Variants in USP5 observed in about 807,000 individuals in gnomAD.
The protein encoded by USP5 is ubiquitin carboxyl-terminal hydrolase 5.
In USP5, 24 loss-of-function variants were observed where a neutral mutation model predicts 102.5. That is an observed-to-expected ratio of 0.23 (90% CI 0.17 to 0.33). The LOEUF (loss-of-function observed/expected upper bound fraction) is 0.33, where lower values mean the gene tolerates loss of function less well. Ranked by LOEUF, USP5 falls within the 10% of genes least tolerant of loss-of-function variation. The pLI is 1.00. For synonymous variants in USP5, 460 were observed against 434.8 expected (o/e 1.06, Z -0.72); for missense variants, 753 against 1,122.1 (o/e 0.67, Z 4.70).
rs1318789785 is a variant in USP5, at chr12:6,856,135, C to T, written c.423C>T (p.Asp141=). The T allele has an allele frequency of 6.2e-7, 1 of 1,614,020 alleles. No individual in the cohort carries two copies. The highest frequency in any genetic ancestry group is 8.5e-7 in the Non-Finnish European group (1 of 1,180,030). ...GGGATGGACTGGGGGGACTGCCTGA[C>T]ATTGTCAGAGATCGGGTATGACTGC... is the stretch of plus-strand genomic sequence containing the variant. ...IARDGLGGLP[D]IVRDRVTSAV... Residue 141 remains aspartate (D), a synonymous_variant, in exon 4 of 20, where the codon GAC becomes GAT. Transcript: ENST00000229268. This position sits in a 1 kb window ranked among gnomAD's most constrained non-coding sequence, Gnocchi z 5.6.
rs1346885129 is a variant in USP5 at position 6,861,472 on chromosome 12, C to T, written c.1528C>T (p.Arg510Trp). 8.2e-6 allele frequency: 13 copies of T among 1,584,864 alleles called. No homozygotes were observed. The highest frequency in any genetic ancestry group is 1.7e-5 in the Admixed American group (1 of 57,856). The change falls in exon 13 of 20, where the codon CGG becomes TGG. Residue 510 changes from arginine to tryptophan, a missense_variant. Around this residue, in one of 3 missense-constraint regions of USP5, gnomAD observed 527 missense variants for 816.5 expected, o/e 0.65. Coordinates refer to ENST00000229268, the MANE Select transcript of USP5 (RefSeq NM_001098536.2). The surrounding 1 kb of genome is among the most constrained non-coding windows in gnomAD (Gnocchi z 4.9). ...GCTTCTGGAGTACGAGGAGAAGAAGCGGCAAGCCGAAGAGGAGAAGATGGC... is the reference window on the plus strand; with the variant it reads ...GCTTCTGGAGTACGAGGAGAAGAAGTGGCAAGCCGAAGAGGAGAAGATGGC... ...EELLEYEEKK[R>W]QAEEEKMALP...
chr12:6,861,692 C>T lies in USP5; in HGVS notation c.1673+75C>T. 7.3e-7 allele frequency: 1 copy of T among 1,372,874 alleles called. No homozygotes were observed. Among genetic ancestry groups the T allele is most frequent in the Non-Finnish European group, 9.5e-7 (1 of 1,055,192 alleles). The allele number at this position is 1,372,874 out of a possible 1,614,324, so 85.0% of individuals were successfully genotyped here. A position where few individuals can be genotyped will look rare whatever the true frequency, so the allele number is the denominator to read the frequency against. On this transcript the variant is annotated intron_variant, in intron 13 of 19. Transcript: ENST00000229268. The surrounding 1 kb of genome is among the most constrained non-coding windows in gnomAD (Gnocchi z 4.9). ...CCCAGAGGATACTTCTGTCTCTTCCCTGTTCTTTCATCCCTTTGTGGTTGG... is the reference window on the plus strand; with the variant it reads ...CCCAGAGGATACTTCTGTCTCTTCCTTGTTCTTTCATCCCTTTGTGGTTGG...
rs1944079470 is a variant in USP5, at chr12:6,855,468, G to A, written c.179G>A (p.Arg60Lys). The change falls in exon 2 of 20, where the codon AGA (arginine) becomes AAA (lysine). Residue 60 changes from arginine (R) to lysine (K), a missense_variant. Around this residue, in one of 3 missense-constraint regions of USP5, gnomAD observed 527 missense variants for 816.5 expected, o/e 0.65. Coordinates refer to ENST00000229268, the MANE Select transcript of USP5 (RefSeq NM_001098536.2). This position sits in a 1 kb window ranked among gnomAD's most constrained non-coding sequence, Gnocchi z 4.6. Reference protein sequence around the residue: ...FLGFGKQYVERHFNKTGQRVY... With the variant: ...FLGFGKQYVEKHFNKTGQRVY... ...GGCTTTGGGAAACAGTATGTGGAGA[G>A]ACATTTCAATAAGACCGGCCAGCGA... The A allele has an allele frequency of 6.2e-6, 10 of 1,614,208 alleles. No individual in the cohort carries two copies. The East Asian group carries it at 2.2e-4, about 36-fold the overall frequency.
chr12:6,859,360 C>A, intron 8 of USP5, 110 bp from the exon 9 acceptor site: 1 of 1,074,508 alleles, frequency 9.3e-7, no homozygotes, highest in Admixed American at 1.9e-5. Context: ...CACAGCAACT[C>A]CCCACTCTTG....
rs978159513 is a variant in USP5 at position 6,855,890 on chromosome 12, G to T, written c.304+69G>T. The stretch of plus-strand genomic sequence containing the variant: ...TCTGGCTCTCAGCAGCACCAGGAAA[G>T]CCCCAAAGAGTGGGCCTGATTGATG... On this transcript the variant is annotated intron_variant, in intron 3 of 19. Coordinates refer to ENST00000229268, the MANE Select transcript of USP5 (RefSeq NM_001098536.2). This position sits in a 1 kb window ranked among gnomAD's most constrained non-coding sequence, Gnocchi z 4.6. 6.2e-6 allele frequency: 10 copies of T among 1,611,068 alleles called. No individual in the cohort carries two copies. In the African/African-American group the frequency reaches 1.3e-4, roughly 22 times the overall value.
rs1944180358 is a variant in USP5 at position 6,858,371 on chromosome 12, A to G, written c.865-53A>G. On this transcript the variant is annotated intron_variant, in intron 7 of 19. Coordinates refer to ENST00000229268, the MANE Select transcript of USP5 (RefSeq NM_001098536.2). This position sits in a 1 kb window ranked among gnomAD's most constrained non-coding sequence, Gnocchi z 4.2. ...CTAGACTCAGTGAGAGATCGAGGTA[A>G]AAACTACAGGGTTGAGTTTCTCACT... is the stretch of plus-strand genomic sequence containing the variant. 12 of 1,568,866 alleles carry G rather than the reference A, an allele frequency of 7.6e-6. No individual in the cohort carries two copies. Among genetic ancestry groups the G allele is most frequent in the Non-Finnish European group, 8.7e-6 (10 of 1,144,884 alleles).
Position 6,864,576 on chromosome 12 carries a change from C to G in USP5, c.2245-146C>G, listed in dbSNP as rs782038051. On this transcript the variant is annotated intron_variant, in intron 17 of 19. Transcript: ENST00000229268. This position sits in a 1 kb window ranked among gnomAD's most constrained non-coding sequence, Gnocchi z 4.8. ...TGGTGGTGGGCGTCTGTAGTCCCAGCTACTTGGGAGGCTGAGGCAGGAGAA... is the reference window on the plus strand; with the variant it reads ...TGGTGGTGGGCGTCTGTAGTCCCAGGTACTTGGGAGGCTGAGGCAGGAGAA... The G allele has an allele frequency of 1.1e-6, 1 of 887,096 alleles. No individual in the cohort carries two copies. The highest frequency in any genetic ancestry group is 1.7e-5 in the South Asian group (1 of 59,274). The allele number at this position is 887,096 out of a possible 1,614,324, so 55.0% of individuals were successfully genotyped here. A position where few individuals can be genotyped will look rare whatever the true frequency, so the allele number is the denominator to read the frequency against.
chr12:6,852,162 G>C lies in USP5; in HGVS notation c.-18G>C. ...AACGGTGGGAGCCGCCGTGTGTGGA[G>C]AAGCTGCTGCCGGTGTCATGGCGGA... On this transcript the variant is annotated 5_prime_UTR_variant, in exon 1 of 20. Coordinates refer to ENST00000229268, the MANE Select transcript of USP5 (RefSeq NM_001098536.2). The C allele has an allele frequency of 6.2e-7, 1 of 1,603,218 alleles. No homozygotes were observed. Among genetic ancestry groups the C allele is most frequent in the South Asian group, 1.1e-5 (1 of 88,792 alleles).
chr12:6,860,225 T>C lies in USP5; in HGVS notation c.1205T>C (p.Val402Ala). 2 of 1,608,700 alleles carry C rather than the reference T, an allele frequency of 1.2e-6. No homozygotes were observed. The highest frequency in any genetic ancestry group is 1.7e-6 in the Non-Finnish European group (2 of 1,178,464). Residue 402 changes from valine to alanine, a missense_variant, in exon 10 of 20, where the codon GTG becomes GCG. Physicochemically the swap from Val to Ala is moderately conservative, Grantham distance 64. Around this residue, in one of 3 missense-constraint regions of USP5, gnomAD observed 527 missense variants for 816.5 expected, o/e 0.65. Coordinates refer to ENST00000229268, the MANE Select transcript of USP5 (RefSeq NM_001098536.2). This position sits in a 1 kb window ranked among gnomAD's most constrained non-coding sequence, Gnocchi z 5.5. ...CCGGAGTCGGGCGATGGGGAGCGGG[T>C]GCCAGAACAGAAGGTGCGTCTAGGA... is the stretch of plus-strand genomic sequence containing the variant. Reference protein sequence around the residue: ...PVPESGDGERVPEQKEVQDGI... With the variant: ...PVPESGDGERAPEQKEVQDGI...
intron 7 of USP5, 126 bp downstream of exon 7, chr12:6,857,849 G>T: frequency 1.2e-6 from 1 of 833,042 alleles, no homozygotes; most frequent in Non-Finnish European, 1.9e-6. Flanking sequence ...AGATACACAG[G>T]CTTCTTTTAA....
chr12:6,857,912 G>A (rs1555128713), intron 7 of USP5, among the ~76,000 whole-genome samples, 189 bp downstream of exon 7: 1 of 152,216 alleles, frequency 6.6e-6, no homozygotes, highest in Non-Finnish European at 1.5e-5. Context: ...CTATGTGCTA[G>A]AGGCTGTGTG....
Position 6,855,892 on chromosome 12 carries a change from C to A in USP5, c.304+71C>A, listed in dbSNP as rs1555128110. 8.1e-6 allele frequency: 13 copies of A among 1,610,784 alleles called. No individual in the cohort carries two copies. Among genetic ancestry groups the A allele is most frequent in the Non-Finnish European group, 1.1e-5 (13 of 1,177,510 alleles). On this transcript the variant is annotated intron_variant, in intron 3 of 19. Transcript: ENST00000229268. The surrounding 1 kb of genome is among the most constrained non-coding windows in gnomAD (Gnocchi z 4.6). Reference sequence around the variant, plus strand: ...TGGCTCTCAGCAGCACCAGGAAAGCCCCAAAGAGTGGGCCTGATTGATGGC... The same window carrying A: ...TGGCTCTCAGCAGCACCAGGAAAGCACCAAAGAGTGGGCCTGATTGATGGC...
In USP5 at chr12:6,863,729, C is replaced by G. The variant is rs148745027; in HGVS notation, c.1955-101C>G. 1.4e-6 allele frequency: 2 copies of G among 1,458,104 alleles called. No homozygotes were observed. The highest frequency in any genetic ancestry group is 1.4e-5 in the African/African-American group (1 of 70,468). 90.3% of individuals were successfully genotyped at this position (1,458,104 alleles called of 1,614,324 possible). ...GGTGCCAATCCATGGGAGAAAAATG[C>G]ATGGAATGGGTGATTGGAAGAGGGC... is the stretch of plus-strand genomic sequence containing the variant. On this transcript the variant is annotated intron_variant, in intron 15 of 19. Transcript: ENST00000229268. The surrounding 1 kb of genome is among the most constrained non-coding windows in gnomAD (Gnocchi z 4.7).
At chr12:6,853,617 T>G (rs1458119138) in intron 1 of USP5, among the ~76,000 whole-genome samples, 3 of 152,218 alleles carry the variant, frequency 2.0e-5, no homozygotes, top group Non-Finnish European at 4.4e-5. Context: ...CTTTACACTT[T>G]TATTCACTCC....
At chr12:6,862,449 A>C in intron 13 of USP5, 21 bp from the exon 14 acceptor site, 5 of 1,608,766 alleles carry the variant, frequency 3.1e-6, no homozygotes, top group Non-Finnish European at 4.3e-6. Context: ...TCTGGGTACC[A>C]GCACAGTCTC....
In USP5 at chr12:6,856,437, C is replaced by G; in HGVS notation, c.571C>G (p.Arg191Gly). ...CCTCAAGCAGTTGGACAACCCTGCT[C>G]GAATCCCTCCCTGGTGAGGCCTGGC... is the stretch of plus-strand genomic sequence containing the variant. ...FSLKQLDNPA[R>G]IPPCGWKCSK... The change falls in exon 5 of 20, where the codon CGA becomes GGA. Residue 191 changes from arginine to glycine, a missense_variant. Transcript: ENST00000229268. The surrounding 1 kb of genome is among the most constrained non-coding windows in gnomAD (Gnocchi z 5.6). 6.2e-7 allele frequency: 1 copy of G among 1,611,096 alleles called. No homozygotes were observed. The highest frequency in any genetic ancestry group is 8.5e-7 in the Non-Finnish European group (1 of 1,178,332).
chr12:6,860,580 C>G lies in USP5; in HGVS notation c.1344+89C>G, dbSNP rs2138057364. ...ATTTCTCCCTCTATCAGCCCCAACC[C>G]AGTCCCATCCCTGAACCCCAACAGT... On this transcript the variant is annotated intron_variant, in intron 11 of 19. Coordinates refer to ENST00000229268, the MANE Select transcript of USP5 (RefSeq NM_001098536.2). This position sits in a 1 kb window ranked among gnomAD's most constrained non-coding sequence, Gnocchi z 5.5. The G allele has an allele frequency of 6.3e-7, 1 of 1,579,944 alleles. No homozygotes were observed. The highest frequency in any genetic ancestry group is 2.2e-5 in the East Asian group (1 of 44,686).
At chr12:6,862,340 A>C in intron 13 of USP5, 130 bp from the exon 14 acceptor site, 1 of 786,618 alleles carries the variant, frequency 1.3e-6, no homozygotes, top group Non-Finnish European at 2.2e-6. Flanking sequence ...GCCCAGGGGA[A>C]GAGAAGAATA....
chr12:6,853,425 G>A (rs942862707), intron 1 of USP5, among the ~76,000 whole-genome samples: 2 of 152,220 alleles, frequency 1.3e-5, no homozygotes, highest in Non-Finnish European at 1.5e-5. Context: ...TCTGAAGTCT[G>A]GCTTTGGCAG....
Sources: gnomAD v4.1 joint callset for allele counts (sites outside exome capture counted in the v4.1 genomes callset) on GRCh38, gnomAD v4.1.1 for gene constraint, gnomAD v4.1.1 regional missense constraint, Gnocchi (gnomAD v3.1) non-coding constraint, MANE v1.5 for transcripts, NCBI Gene and HGNC (gene_info 2026-07-23, HGNC 2026-07-21) for gene names.